The following STXBP5L variants were observed in gnomAD, a reference collection of about 807,000 sequenced individuals.
STXBP5L encodes the protein syntaxin-binding protein 5-like.
In STXBP5L, 65 loss-of-function variants were observed where a neutral mutation model predicts 144.5. The ratio of observed to expected loss-of-function variants is 0.45; its 90% confidence interval spans 0.37 to 0.55. The LOEUF (loss-of-function observed/expected upper bound fraction) is 0.55. Ranked by LOEUF, STXBP5L falls within the 20% of genes least tolerant of loss-of-function variation. STXBP5L has a pLI of 0.00. For missense variants in STXBP5L, 1,298 were observed against 1,405.5 expected, an observed-to-expected ratio of 0.92 and a Z score of 1.22; for synonymous variants, 505 against 469.6, an observed-to-expected ratio of 1.08 and a Z score of -0.97.
intron 2 of STXBP5L, among the ~76,000 whole-genome samples, chr3:120,935,594 A>G (rs1221906077): frequency 6.6e-6 from 1 of 152,054 alleles, no homozygotes; most frequent in Non-Finnish European, 1.5e-5. Context: ...TTGTTCAAGA[A>G]GGTTATTTCT....
intron 2 of STXBP5L, among the ~76,000 whole-genome samples, chr3:120,930,597 T>C (rs1239039062): frequency 6.6e-6 from 1 of 152,182 alleles, no homozygotes; most frequent in East Asian, 1.9e-4. Flanking sequence ...GGTATTAGTA[T>C]TGAAATATTT....
In STXBP5L at chr3:121,318,554, G is replaced by T. The variant is rs187620750; in HGVS notation, c.2176+14G>T. 6.6e-7 allele frequency: 1 copy of T among 1,519,882 alleles called. No individual in the cohort carries two copies. The highest frequency in any genetic ancestry group is 8.8e-7 in the Non-Finnish European group (1 of 1,130,482). 94.1% of individuals were successfully genotyped at this position (1,519,882 alleles called of 1,614,324 possible). A position where few individuals can be genotyped will look rare whatever the true frequency, so the allele number is the denominator to read the frequency against. ...CTCCTACCTCAGGTAAACATGAGTG[G>T]TATTTTGCAGACTTCTGGTAATTCA... On this transcript the variant is annotated intron_variant, in intron 20 of 26. Transcript: ENST00000471454.
chr3:120,925,015 T>A (rs1262954210), intron 2 of STXBP5L: 1 of 152,320 alleles, frequency 6.6e-6, no homozygotes, highest in Non-Finnish European at 1.5e-5. Context: ...GGCCCTTGTC[T>A]TTATTTTAAA....
chr3:121,137,859 A>T (rs1002036717), intron 7 of STXBP5L, among the ~76,000 whole-genome samples: 1 of 152,156 alleles, frequency 6.6e-6, no homozygotes, highest in Non-Finnish European at 1.5e-5. Context: ...TTTTTTTCTG[A>T]CATCCGGAAC....
At chr3:121,066,534 A>T (rs2041558865) in intron 5 of STXBP5L, among the ~76,000 whole-genome samples, 1 of 152,024 alleles carries the variant, frequency 6.6e-6, no homozygotes, top group Admixed American at 6.6e-5. Context: ...TAAATGTTAG[A>T]TGACCCTTGC....
chr3:121,403,568 A>C (rs1288828196), intron 22 of STXBP5L, among the ~76,000 whole-genome samples: 3 of 152,198 alleles, frequency 2.0e-5, no homozygotes, highest in African/African-American at 7.2e-5. Flanking sequence ...AGGCTGTATT[A>C]GTCATGGGCA....
At chr3:121,205,900 A>T (rs1409889624) in intron 9 of STXBP5L, 23 bp from the exon 10 acceptor site, 1 of 1,265,070 alleles carries the variant, frequency 7.9e-7, no homozygotes, top group Admixed American at 2.6e-5. Context: ...AATTAGATTC[A>T]ATTAAATATT....
chr3:121,320,455 T>C (rs542563865), intron 20 of STXBP5L, among the ~76,000 whole-genome samples: 4 of 152,078 alleles, frequency 2.6e-5, no homozygotes, highest in African/African-American at 4.8e-5. Flanking sequence ...AAACCTCCAT[T>C]TTCTCCTTCT....
intron 3 of STXBP5L, among the ~76,000 whole-genome samples, chr3:120,968,446 C>T (rs1229185824): frequency 6.6e-6 from 1 of 152,052 alleles, no homozygotes; most frequent in East Asian, 1.9e-4. Flanking sequence ...CTTCCATTTG[C>T]ATGTAATATC....
chr3:121,354,883 C>G (rs1170390137), intron 20 of STXBP5L, among the ~76,000 whole-genome samples: 1 of 152,088 alleles, frequency 6.6e-6, no homozygotes, highest in Non-Finnish European at 1.5e-5. Flanking sequence ...GTAAGGCAGG[C>G]TTGGTGGTGA....
chr3:121,240,408 G>GTA (rs746047242), intron 13 of STXBP5L, 32 bp from the exon 14 acceptor site: 14 of 1,592,684 alleles, frequency 8.8e-6, no homozygotes, highest in Admixed American at 1.7e-5. Flanking sequence ...ATTTAAACAT[G>GTA]TATATATATT....
At chr3:121,299,305 A>G (rs1385054404) in intron 19 of STXBP5L, among the ~76,000 whole-genome samples, 2 of 152,192 alleles carry the variant, frequency 1.3e-5, no homozygotes, top group African/African-American at 4.8e-5. Context: ...GAGGAGTTTC[A>G]TATTCATAGA....
chr3:121,306,085 A>G (rs899850953), intron 19 of STXBP5L, among the ~76,000 whole-genome samples: 5 of 152,240 alleles, frequency 3.3e-5, no homozygotes, highest in African/African-American at 4.8e-5. Flanking sequence ...GTGGAAGAGC[A>G]TAATTTATGA....
chr3:121,292,147 C>T (rs1356730797), intron 19 of STXBP5L, among the ~76,000 whole-genome samples: 1 of 152,092 alleles, frequency 6.6e-6, no homozygotes, highest in Non-Finnish European at 1.5e-5. Flanking sequence ...ACAAACTATG[C>T]ATCTGACAAG....
chr3:121,092,757 C>G (rs1277461129), intron 5 of STXBP5L, among the ~76,000 whole-genome samples: 1 of 152,138 alleles, frequency 6.6e-6, no homozygotes, highest in East Asian at 1.9e-4. Flanking sequence ...ATTGAATACC[C>G]TTTATTTCCT....
At chr3:121,411,647 C>A (rs540316623) in intron 23 of STXBP5L, among the ~76,000 whole-genome samples, 15 of 152,204 alleles carry the variant, frequency 9.9e-5, no homozygotes, top group African/African-American at 2.9e-4. Flanking sequence ...TGTGCAAATT[C>A]TGATCTATTA....
chr3:121,389,442 G>A (rs2108701272), intron 22 of STXBP5L, among the ~76,000 whole-genome samples: 1 of 152,210 alleles, frequency 6.6e-6, no homozygotes, highest in Non-Finnish European at 1.5e-5. Context: ...GAATTTGTTT[G>A]CTCTTGCATC....
chr3:121,290,565 G>A (rs905450707), intron 19 of STXBP5L, among the ~76,000 whole-genome samples: 17 of 152,086 alleles, frequency 1.1e-4, no homozygotes, highest in Admixed American at 3.3e-4. Flanking sequence ...TGTGAAGCCA[G>A]TATCACCCTA....
chr3:120,978,892 C>T (rs1345567518), intron 3 of STXBP5L, among the ~76,000 whole-genome samples: 1 of 152,126 alleles, frequency 6.6e-6, no homozygotes, highest in East Asian at 1.9e-4. Context: ...GCTGTCTGAT[C>T]GTTCCTCTGG....
Sources: gnomAD v4.1 joint callset for allele counts (sites outside exome capture counted in the v4.1 genomes callset) on GRCh38, gnomAD v4.1.1 for gene constraint, MANE v1.5 for transcripts, NCBI Gene and HGNC (gene_info 2026-07-23, HGNC 2026-07-21) for gene names.